The following LRFN5 variants were observed in gnomAD, a reference collection of about 807,000 sequenced individuals.
LRFN5 encodes the protein leucine-rich repeat and fibronectin type-III domain-containing protein 5.
LRFN5 carries 24 observed loss-of-function variants against 45.6 expected under a neutral mutation model. The observed-to-expected ratio is 0.53, with a 90% CI of 0.38 to 0.74. The LOEUF (loss-of-function observed/expected upper bound fraction) is 0.74, where lower values mean the gene tolerates loss of function less well. Ranked by LOEUF, LRFN5 falls within the 30% of genes least tolerant of loss-of-function variation. The pLI, the probability that LRFN5 is intolerant of heterozygous loss-of-function variation, is 0.00. For synonymous variants in LRFN5, 340 were observed against 313.8 expected, an observed-to-expected ratio of 1.08 and a Z score of -0.88; for missense variants, 776 against 861.5, an observed-to-expected ratio of 0.90 and a Z score of 1.24.
At chr14:41,747,465 G>GA (rs1331046402) in intron 1 of LRFN5, among the ~76,000 whole-genome samples, 1 of 151,926 alleles carries the variant, frequency 6.6e-6, no homozygotes, top group Non-Finnish European at 1.5e-5. Context: ...AGTGATGCTG[G>GA]AAAAACATGC....
At chr14:41,845,350 T>G (rs12895832) in intron 2 of LRFN5, among the ~76,000 whole-genome samples, 49,692 of 151,938 alleles carry the variant, frequency 0.33, 9,403 homozygotes, top group Non-Finnish European at 0.43. Flanking sequence ...TATCTGCATT[T>G]ATTGTGTTAT....
chr14:41,723,204 G>A (rs936883423), intron 1 of LRFN5, among the ~76,000 whole-genome samples: 8 of 152,084 alleles, frequency 5.3e-5, no homozygotes, highest in Non-Finnish European at 1.0e-4. Context: ...GGAAATCTGC[G>A]TGGATGTGAA....
intron 1 of LRFN5, among the ~76,000 whole-genome samples, chr14:41,691,215 A>G (rs926949636): frequency 6.6e-6 from 1 of 152,032 alleles, no homozygotes; most frequent in Non-Finnish European, 1.5e-5. Flanking sequence ...ATTGATTTTT[A>G]AAAATCATTT....
chr14:41,815,461 C>T (rs1039584031), intron 2 of LRFN5, among the ~76,000 whole-genome samples: 3 of 151,992 alleles, frequency 2.0e-5, no homozygotes, highest in Non-Finnish European at 4.4e-5. Context: ...TGTCTAGATG[C>T]GGTGGCTCAC....
At chr14:41,805,398 AT>A (rs1887485910) in intron 2 of LRFN5, among the ~76,000 whole-genome samples, 1 of 144,090 alleles carries the variant, frequency 6.9e-6, no homozygotes, top group Non-Finnish European at 1.5e-5. Flanking sequence ...TATTTTATTT[AT>A]TTATTTATTT....
rs1422583309 is a variant in LRFN5 at position 41,781,602 on chromosome 14, AAGAAAGAAAGAAAG to A, written c.-21+14589_-21+14602del. ...AAAGAAAGAAAGAAAGAAAGAAAGAAAGAAAGAAAGAAAGAGAAAGAAAGAAAGAAAGGAAAGAA... is the reference window on the plus strand; with the variant it reads ...AAAGAAAGAAAGAAAGAAAGAAAGAAAGAAAGAAAGAAAGAAAGGAAAGAA... On this transcript the variant is annotated intron_variant, in intron 2 of 5. Coordinates refer to ENST00000298119, the MANE Select transcript of LRFN5 (RefSeq NM_152447.5). Among the ~76,000 whole-genome samples, 582 of 89,506 alleles carry A rather than the reference AAGAAAGAAAGAAAG, an allele frequency of 6.5e-3. 10 individuals are homozygous for A. The highest frequency in any genetic ancestry group is 0.028 in the African/African-American group (547 of 19,340). 58.7% of individuals were successfully genotyped at this position (89,506 alleles called of 152,430 possible).
chr14:41,850,454 A>C (rs1323690035), intron 2 of LRFN5, among the ~76,000 whole-genome samples: 1 of 151,882 alleles, frequency 6.6e-6, no homozygotes, highest in African/African-American at 2.4e-5. Flanking sequence ...ATCTATATTT[A>C]ACACCCAATA....
chr14:41,717,426 A>G (rs1728626207), intron 1 of LRFN5, among the ~76,000 whole-genome samples: 1 of 152,206 alleles, frequency 6.6e-6, no homozygotes, highest in Admixed American at 6.5e-5. Context: ...AGATGTAAAC[A>G]CCAAAACACG....
At chr14:41,632,744 G>A (rs1888591645) in intron 1 of LRFN5, among the ~76,000 whole-genome samples, 1 of 151,904 alleles carries the variant, frequency 6.6e-6, no homozygotes, top group Non-Finnish European at 1.5e-5. Context: ...AAAAAGGCAA[G>A]GAATAAATAC....
chr14:41,660,965 T>G (rs1880623856), intron 1 of LRFN5, among the ~76,000 whole-genome samples: 1 of 151,558 alleles, frequency 6.6e-6, no homozygotes, highest in African/African-American at 2.4e-5. Flanking sequence ...AATCTTGGGT[T>G]TATTGCGCTT....
intron 2 of LRFN5, among the ~76,000 whole-genome samples, chr14:41,844,393 T>C (rs1257024976): frequency 2.0e-4 from 30 of 149,384 alleles, no homozygotes; most frequent in South Asian, 4.2e-4. Flanking sequence ...GCGGAGATCT[T>C]GCCACCACAC....
rs115236114 is a variant in LRFN5 at position 41,718,000 on chromosome 14, A to G, written c.-196-48854A>G. On this transcript the variant is annotated intron_variant, in intron 1 of 5. Coordinates refer to ENST00000298119, the MANE Select transcript of LRFN5 (RefSeq NM_152447.5). ...TGTTGTTCTTAGCTTAGGTGAAGCTAAGAACCTATGGAGACTTTTTGTCTC... is the reference window on the plus strand; with the variant it reads ...TGTTGTTCTTAGCTTAGGTGAAGCTGAGAACCTATGGAGACTTTTTGTCTC... Among the ~76,000 whole-genome samples, 491 of 152,272 alleles carry G rather than the reference A, an allele frequency of 3.2e-3. 2 individuals carry two copies. Among genetic ancestry groups the G allele is most frequent in the African/African-American group, 0.011 (460 of 41,564 alleles).
At chr14:41,726,906 A>G (rs1883960248) in intron 1 of LRFN5, among the ~76,000 whole-genome samples, 1 of 152,194 alleles carries the variant, frequency 6.6e-6, no homozygotes, top group South Asian at 2.1e-4. Flanking sequence ...AATTGTATGT[A>G]TATATTAACA....
chr14:41,738,199 A>G (rs77071367), intron 1 of LRFN5, among the ~76,000 whole-genome samples: 48 of 152,306 alleles, frequency 3.2e-4, no homozygotes, highest in African/African-American at 1.2e-3. Flanking sequence ...CCACACATCT[A>G]CAACCGTCTG....
At chr14:41,669,825 C>A (rs1393012658) in intron 1 of LRFN5, among the ~76,000 whole-genome samples, 1 of 150,328 alleles carries the variant, frequency 6.7e-6, no homozygotes, top group Non-Finnish European at 1.5e-5. Flanking sequence ...ATGGTTAAAC[C>A]AATTAAAGTA....
chr14:41,731,114 A>C (rs2138793364), intron 1 of LRFN5, among the ~76,000 whole-genome samples: 1 of 152,230 alleles, frequency 6.6e-6, no homozygotes, highest in South Asian at 2.1e-4. Context: ...AACAACAATA[A>C]AAAAGTGTGA....
At chr14:41,777,572 TATA>T (rs1203211744) in intron 2 of LRFN5, among the ~76,000 whole-genome samples, 3 of 151,900 alleles carry the variant, frequency 2.0e-5, no homozygotes, top group Non-Finnish European at 4.4e-5. Flanking sequence ...TGTTTGTAGT[TATA>T]ATATCTATGA....
At chr14:41,654,542 T>C (rs1250043906) in intron 1 of LRFN5, among the ~76,000 whole-genome samples, 1 of 151,888 alleles carries the variant, frequency 6.6e-6, no homozygotes, top group Non-Finnish European at 1.5e-5. Context: ...TTAGAACACT[T>C]TTCAGGTTTG....
chr14:41,804,053 G>T (rs980051870), intron 2 of LRFN5, among the ~76,000 whole-genome samples: 5 of 151,910 alleles, frequency 3.3e-5, no homozygotes, highest in Admixed American at 2.0e-4. Context: ...TGGTAGAGGC[G>T]GGGTTTCACC....
Sources: gnomAD v4.1 joint callset for allele counts (sites outside exome capture counted in the v4.1 genomes callset) on GRCh38, gnomAD v4.1.1 for gene constraint, MANE v1.5 for transcripts, NCBI Gene and HGNC (gene_info 2026-07-23, HGNC 2026-07-21) for gene names.